CNMD: variants seen among roughly 807,000 people sequenced by gnomAD.
CNMD encodes the protein leukocyte cell-derived chemotaxin 1.
CNMD carries 30 observed loss-of-function variants against 37.5 expected under a neutral mutation model. The observed-to-expected ratio is 0.80, with a 90% confidence interval of 0.60 to 1.09. The LOEUF is 1.09. Ranked by LOEUF, CNMD falls within the 50% of genes least tolerant of loss-of-function variation. CNMD has a pLI of 0.00. For missense variants in CNMD, 398 were observed against 423.9 expected (o/e 0.94, Z 0.54); for synonymous variants, 167 against 148.2 (o/e 1.13, Z -0.92).
At chr13:52,729,109 A>G (rs1405129050) in intron 3 of CNMD, among the ~76,000 whole-genome samples, 1 of 152,098 alleles carries the variant, frequency 6.6e-6, no homozygotes, top group Non-Finnish European at 1.5e-5. Context: ...TTGGCTGCAC[A>G]TTTTTTTCTT....
At chr13:52,728,787 G>A (rs894661989) in intron 3 of CNMD, among the ~76,000 whole-genome samples, 1 of 152,194 alleles carries the variant, frequency 6.6e-6, no homozygotes, top group Admixed American at 6.5e-5. Context: ...TGGGAATCTA[G>A]TGTTAAGTTG....
intron 6 of CNMD, among the ~76,000 whole-genome samples, chr13:52,707,981 G>C (rs1424934860): frequency 6.6e-6 from 1 of 151,882 alleles, no homozygotes; most frequent in Non-Finnish European, 1.5e-5. Context: ...TGGGCATGGT[G>C]GTGGGCACCT....
chr13:52,703,581 T>TA lies in CNMD; in HGVS notation c.*13dup, dbSNP rs1383654997. ...CTAGTTCTTATTTTACAGCACATGA[T>TA]ATATGAAGTGATTTCACACCATGCC... is the stretch of plus-strand genomic sequence containing the variant. On this transcript the variant is annotated 3_prime_UTR_variant, in exon 7 of 7. Coordinates refer to ENST00000377962, the MANE Select transcript of CNMD (RefSeq NM_007015.3). 1 of 1,575,276 alleles carries TA rather than the reference T, an allele frequency of 6.3e-7. No individual in the cohort carries two copies. Among genetic ancestry groups the TA allele is most frequent in the African/African-American group, 1.3e-5 (1 of 74,130 alleles).
In CNMD at chr13:52,739,706, G is replaced by C; in HGVS notation, c.-5C>G. ...TTTGTCGGAGTTCTCTGTCATGTTT[G>C]CGGCGGGAGGAGTGAGGCACTTGGA... On this transcript the variant is annotated 5_prime_UTR_variant, in exon 1 of 7. Coordinates refer to ENST00000377962, the MANE Select transcript of CNMD (RefSeq NM_007015.3). This position sits in a 1 kb window ranked among gnomAD's most constrained non-coding sequence, Gnocchi z 5.4. 10 of 1,613,956 alleles carry C rather than the reference G, an allele frequency of 6.2e-6. No individual in the cohort carries two copies. The highest frequency in any genetic ancestry group is 8.5e-6 in the Non-Finnish European group (10 of 1,179,854).
chr13:52,720,449 G>T (rs551418044), intron 4 of CNMD, among the ~76,000 whole-genome samples: 1 of 152,066 alleles, frequency 6.6e-6, no homozygotes, highest in African/African-American at 2.4e-5. Flanking sequence ...TTTTGCACTG[G>T]TTTTTCCTTG....
intron 2 of CNMD, among the ~76,000 whole-genome samples, chr13:52,735,732 G>A (rs1482020746): frequency 6.6e-6 from 1 of 151,242 alleles, no homozygotes; most frequent in Admixed American, 6.6e-5. Context: ...ACGAATTTGT[G>A]TTGGGTTGTA....
chr13:52,708,002 C>CT, intron 6 of CNMD, among the ~76,000 whole-genome samples: 2 of 151,978 alleles, frequency 1.3e-5, no homozygotes, highest in African/African-American at 4.8e-5. Context: ...GAAATCCCAG[C>CT]TACTTGGGAG....
chr13:52,716,975 C>CA (rs1045718504), intron 4 of CNMD, among the ~76,000 whole-genome samples: 2 of 152,166 alleles, frequency 1.3e-5, no homozygotes, highest in African/African-American at 4.8e-5. Context: ...TCTTCACATC[C>CA]ATGAGCATGG....
intron 3 of CNMD, among the ~76,000 whole-genome samples, chr13:52,732,143 A>G (rs556572863): frequency 6.6e-6 from 1 of 152,360 alleles, no homozygotes; most frequent in East Asian, 1.9e-4. Flanking sequence ...CACTCAAATG[A>G]AAAGCATCTT....
At chr13:52,711,223 T>G (rs1964284934) in intron 5 of CNMD, among the ~76,000 whole-genome samples, 1 of 152,078 alleles carries the variant, frequency 6.6e-6, no homozygotes, top group South Asian at 2.1e-4. Context: ...TCAATGAGAT[T>G]AGGGAGAGCT....
intron 2 of CNMD, among the ~76,000 whole-genome samples, chr13:52,737,044 A>C (rs2138283735): frequency 6.6e-6 from 1 of 152,316 alleles, no homozygotes; most frequent in South Asian, 2.1e-4. Flanking sequence ...CATGAAAAGG[A>C]TAGGAGGTGA....
At chr13:52,708,046 C>T (rs1427306279) in intron 6 of CNMD, among the ~76,000 whole-genome samples, 3 of 151,756 alleles carry the variant, frequency 2.0e-5, no homozygotes, top group African/African-American at 4.8e-5. Context: ...ACCTGGGAGG[C>T]GATTCCCAGG....
rs1244293051 is a variant in CNMD, at chr13:52,739,240, G to C, written c.73-69C>G. On this transcript the variant is annotated intron_variant, in intron 1 of 6. Coordinates refer to ENST00000377962, the MANE Select transcript of CNMD (RefSeq NM_007015.3). The surrounding 1 kb of genome is among the most constrained non-coding windows in gnomAD (Gnocchi z 5.4). ...AGCACCTGCGGCCCCCAGCGCACCC[G>C]GGCCCCACGCGGTAGCCCCCAGGGA... 13 of 1,404,726 alleles carry C rather than the reference G, an allele frequency of 9.3e-6. No homozygotes were observed. The East Asian group carries it at 2.6e-4, about 28-fold the overall frequency. The allele number at this position is 1,404,726 out of a possible 1,614,324, so 87.0% of individuals were successfully genotyped here. A position where few individuals can be genotyped will look rare whatever the true frequency, so the allele number is the denominator to read the frequency against.
chr13:52,738,822 A>G (rs942777640), intron 2 of CNMD, among the ~76,000 whole-genome samples: 17 of 152,172 alleles, frequency 1.1e-4, no homozygotes, highest in Non-Finnish European at 2.4e-4. Context: ...CTACGCTTCA[A>G]TCTTCTCCCG....
chr13:52,726,136 C>A (rs1273436597), intron 3 of CNMD, among the ~76,000 whole-genome samples: 2 of 152,212 alleles, frequency 1.3e-5, no homozygotes, highest in Non-Finnish European at 2.9e-5. Context: ...TGGCTCTTAA[C>A]TGCACCTGAA....
intron 4 of CNMD, among the ~76,000 whole-genome samples, chr13:52,714,756 T>C (rs1337031837): frequency 6.6e-6 from 1 of 151,808 alleles, no homozygotes; most frequent in Non-Finnish European, 1.5e-5. Flanking sequence ...TAATTTCCCT[T>C]ATAGAAAGAC....
intron 6 of CNMD, among the ~76,000 whole-genome samples, chr13:52,706,136 A>G (rs987049669): frequency 1.3e-5 from 2 of 152,216 alleles, no homozygotes; most frequent in Admixed American, 6.5e-5. Context: ...AAAGATGCTC[A>G]CCCTTACACA....
At chr13:52,730,225 T>A (rs572418172) in intron 3 of CNMD, among the ~76,000 whole-genome samples, 11 of 152,180 alleles carry the variant, frequency 7.2e-5, no homozygotes, top group African/African-American at 2.4e-4. Context: ...TCTATCATTG[T>A]TGGACATTTG....
intron 5 of CNMD, among the ~76,000 whole-genome samples, chr13:52,710,709 A>T (rs1964277623): frequency 5.3e-5 from 8 of 152,184 alleles, no homozygotes; most frequent in Admixed American, 5.2e-4. Context: ...CATTTTATGG[A>T]TATAATCAAC....
Sources: gnomAD v4.1 joint callset for allele counts (sites outside exome capture counted in the v4.1 genomes callset) on GRCh38, gnomAD v4.1.1 for gene constraint, Gnocchi (gnomAD v3.1) non-coding constraint, MANE v1.5 for transcripts, NCBI Gene and HGNC (gene_info 2026-07-23, HGNC 2026-07-21) for gene names.